The following OLFML1 variants were observed in gnomAD, a reference collection of about 807,000 sequenced individuals.
OLFML1 encodes olfactomedin like 1, also known as olfactomedin-like protein 1.
OLFML1 carries 33 observed loss-of-function variants against 37.3 expected under a neutral mutation model. The observed-to-expected ratio is 0.88, with a 90% CI of 0.67 to 1.18. The LOEUF (loss-of-function observed/expected upper bound fraction) is 1.18. Ranked by LOEUF, OLFML1 falls within the 50% of genes most tolerant of loss-of-function variation. OLFML1 has a pLI of 0.00. For synonymous variants in OLFML1, 186 were observed against 181.3 expected (o/e 1.03, Z -0.21); for missense variants, 545 against 483.7 (o/e 1.13, Z -1.19).
At chr11:7,492,888 T>A (rs985020848) in intron 2 of OLFML1, among the ~76,000 whole-genome samples, 2 of 152,210 alleles carry the variant, frequency 1.3e-5, no homozygotes, top group African/African-American at 4.8e-5. Context: ...AATTTTGCAT[T>A]GCACTTGATA....
In OLFML1 at chr11:7,510,449, C is replaced by T. The variant is rs1424048246; in HGVS notation, c.*261C>T. 2.4e-6 allele frequency: 1 copy of T among 409,344 alleles called. No homozygotes were observed. The highest frequency in any genetic ancestry group is 4.4e-6 in the Non-Finnish European group (1 of 227,286). 25.4% of individuals were successfully genotyped at this position (409,344 alleles called of 1,614,324 possible). ...CCTGGCTCTCAAGGATGACCACATTCTGATACAGCCTACTTCAAGCCTTTT... is the reference window on the plus strand; with the variant it reads ...CCTGGCTCTCAAGGATGACCACATTTTGATACAGCCTACTTCAAGCCTTTT... On this transcript the variant is annotated 3_prime_UTR_variant, in exon 3 of 3. Transcript: ENST00000329293.
intron 2 of OLFML1, among the ~76,000 whole-genome samples, chr11:7,504,439 T>A (rs1024601617): frequency 1.3e-5 from 2 of 151,854 alleles, no homozygotes; most frequent in Non-Finnish European, 2.9e-5. Context: ...GAGAAGCCAA[T>A]GGAGGGTTTC....
At position 7,497,521 on chromosome 11, in the gene OLFML1, T is replaced by C. The variant is rs776382572; in HGVS notation, c.418+9106T>C. 1.7e-4 allele frequency among the ~76,000 whole-genome samples: 26 copies of C among 152,200 alleles called. 1 individual carries two copies. The highest frequency in any genetic ancestry group is 4.1e-4 in the South Asian group (2 of 4,822). On this transcript the variant is annotated intron_variant, in intron 2 of 2. Transcript: ENST00000329293. ...TATGTTGCCTGTGTTGGACTCCAGC[T>C]GTAGGGACCCCATCGTGGAGCCAGG...
intron 1 of OLFML1, 84 bp from the exon 2 acceptor site, chr11:7,488,043 C>A: frequency 1.0e-6 from 1 of 959,186 alleles, no homozygotes; most frequent in South Asian, 1.8e-5. Context: ...TTTTCTAATC[C>A]TTTTCTATAA....
At chr11:7,506,579 G>A (rs1405572330) in intron 2 of OLFML1, among the ~76,000 whole-genome samples, 3 of 152,158 alleles carry the variant, frequency 2.0e-5, no homozygotes, top group Non-Finnish European at 4.4e-5. Context: ...ATGAAGACCA[G>A]TATGGTATTT....
chr11:7,502,762 T>C (rs1157987025), intron 2 of OLFML1, among the ~76,000 whole-genome samples: 1 of 152,098 alleles, frequency 6.6e-6, no homozygotes, highest in South Asian at 2.1e-4. Context: ...TGCACCACCA[T>C]GCCTGGCTAA....
chr11:7,494,804 A>C (rs992704862), intron 2 of OLFML1, among the ~76,000 whole-genome samples: 4 of 152,160 alleles, frequency 2.6e-5, no homozygotes, highest in African/African-American at 9.7e-5. Flanking sequence ...TGGGCCCAGA[A>C]GTTCTAGCTG....
chr11:7,502,285 G>A (rs1451158089), intron 2 of OLFML1, among the ~76,000 whole-genome samples: 1 of 152,250 alleles, frequency 6.6e-6, no homozygotes, highest in Non-Finnish European at 1.5e-5. Flanking sequence ...AGCAGGGAAA[G>A]TCACAGAGAA....
intron 2 of OLFML1, among the ~76,000 whole-genome samples, chr11:7,493,903 T>C (rs923195468): frequency 1.3e-5 from 2 of 152,214 alleles, no homozygotes; most frequent in Non-Finnish European, 2.9e-5. Context: ...CAGGGTAACA[T>C]TCTTGTCCTC....
At chr11:7,494,438 C>T (rs186064771) in intron 2 of OLFML1, among the ~76,000 whole-genome samples, 3,155 of 152,322 alleles carry the variant, frequency 0.021, 93 homozygotes, top group African/African-American at 0.071. Flanking sequence ...CACGATAACC[C>T]TGTGAGATAG....
chr11:7,485,968 G>T lies in OLFML1; in HGVS notation c.93G>T (p.Met31Ile), dbSNP rs769955980. The T allele has an allele frequency of 6.2e-7, 1 of 1,614,050 alleles. No homozygotes were observed. The highest frequency in any genetic ancestry group is 1.7e-5 in the Admixed American group (1 of 60,008). Reference protein sequence around the residue: ...PPPQCTQDPAMVHYIYQRFRV... With the variant: ...PPPQCTQDPAIVHYIYQRFRV... ...CGCAGTGTACCCAGGACCCAGCCAT[G>T]GTGCATTACATCTACCAGCGCTTTC... Residue 31 changes from methionine to isoleucine, a missense_variant, in exon 1 of 3, where the codon ATG (methionine) becomes ATT (isoleucine). Met to Ile is a conservative substitution (Grantham distance 10, BLOSUM62 1). Coordinates refer to ENST00000329293, the MANE Select transcript of OLFML1 (RefSeq NM_198474.4).
In OLFML1 at chr11:7,488,122, T is replaced by G. The variant is rs376144670; in HGVS notation, c.130-5T>G. 1.3e-6 allele frequency: 2 copies of G among 1,587,968 alleles called. No individual in the cohort carries two copies. Among genetic ancestry groups the G allele is most frequent in the African/African-American group, 2.7e-5 (2 of 73,940 alleles). On this transcript the variant is annotated splice_region_variant and splice_polypyrimidine_tract_variant and intron_variant, in intron 1 of 2. Transcript: ENST00000329293. ...ATAATTTGCAAATTTATTTTCTGAC[T>G]GAAGCAAGGGCTGGAAAAATGTACC...
intron 2 of OLFML1, among the ~76,000 whole-genome samples, chr11:7,493,375 T>C (rs1238987038): frequency 1.3e-5 from 2 of 152,218 alleles, no homozygotes; most frequent in East Asian, 3.8e-4. Flanking sequence ...AAAATGTATC[T>C]GTTTGCCAAC....
chr11:7,505,872 G>A (rs1409660381), intron 2 of OLFML1, among the ~76,000 whole-genome samples: 1 of 152,050 alleles, frequency 6.6e-6, no homozygotes, highest in Non-Finnish European at 1.5e-5. Flanking sequence ...ACTGATGACC[G>A]ACTTATCTTG....
chr11:7,489,032 T>C (rs1247636369), intron 2 of OLFML1: 1 of 152,240 alleles, frequency 6.6e-6, no homozygotes, highest in Non-Finnish European at 1.5e-5. Flanking sequence ...AAATTTTCTG[T>C]GCCCGAGTCT....
intron 2 of OLFML1, among the ~76,000 whole-genome samples, chr11:7,502,239 A>G (rs1480596014): frequency 6.6e-6 from 1 of 152,226 alleles, no homozygotes; most frequent in Non-Finnish European, 1.5e-5. Context: ...AAGACAACCA[A>G]TGTAATCACA....
At position 7,499,868 on chromosome 11, in the gene OLFML1, A is replaced by ATTGTT. The variant is rs1306970847; in HGVS notation, c.419-9516_419-9512dup. ...TGTATTTTATTTTATTGACTGATTT[A>ATTGTT]TTGTTTTGTTTTGTTTTGCTTTGTT... On this transcript the variant is annotated intron_variant, in intron 2 of 2. Transcript: ENST00000329293. Among the ~76,000 whole-genome samples the ATTGTT allele has an allele frequency of 2.6e-5, 4 of 151,970 alleles. No individual in the cohort carries two copies. In the South Asian group the frequency reaches 8.3e-4, roughly 32 times the overall value.
At chr11:7,500,836 A>G (rs1848714651) in intron 2 of OLFML1, among the ~76,000 whole-genome samples, 2 of 151,860 alleles carry the variant, frequency 1.3e-5, no homozygotes, top group Admixed American at 6.5e-5. Context: ...GGAGTTTGAG[A>G]CCAGCCTGGT....
intron 2 of OLFML1, among the ~76,000 whole-genome samples, chr11:7,505,124 G>A (rs536591940): frequency 6.4e-4 from 95 of 147,868 alleles, no homozygotes; most frequent in African/African-American, 2.2e-3. Flanking sequence ...TTTAGAGATG[G>A]GGTCTCACTC....
Sources: gnomAD v4.1 joint callset for allele counts (sites outside exome capture counted in the v4.1 genomes callset) on GRCh38, gnomAD v4.1.1 for gene constraint, MANE v1.5 for transcripts, NCBI Gene and HGNC (gene_info 2026-07-23, HGNC 2026-07-21) for gene names.